The following ZNF638 variants were observed in gnomAD, a reference collection of about 807,000 sequenced individuals.
ZNF638 encodes the protein zinc finger protein 638, also known as CTCL tumor antigen se33-1.
In ZNF638, 46 loss-of-function variants were observed where a neutral mutation model predicts 195.6. The observed-to-expected ratio is 0.24, with a 90% CI of 0.19 to 0.30. The LOEUF (loss-of-function observed/expected upper bound fraction) is 0.30, where lower values mean the gene tolerates loss of function less well. ZNF638 is among the 10% of genes least tolerant of loss of function. The pLI is 1.00. For synonymous variants in ZNF638, 845 were observed against 772.0 expected, an observed-to-expected ratio of 1.09 and a Z score of -1.57; for missense variants, 2,440 against 2,325.3, an observed-to-expected ratio of 1.05 and a Z score of -1.01.
intron 3 of ZNF638, among the ~76,000 whole-genome samples, chr2:71,356,776 GTTTCAAAAAAAAAAAAAATTTTTT>G: frequency 6.7e-6 from 1 of 148,184 alleles, no homozygotes; most frequent in Non-Finnish European, 1.5e-5. Flanking sequence ...GCGACAGCCT[GTTTCAAAAAAAAAAAAAATTTTTT>G]TTTTTTAAGT....
At chr2:71,397,692 A>G (rs143750297) in intron 11 of ZNF638, among the ~76,000 whole-genome samples, 3 of 152,242 alleles carry the variant, frequency 2.0e-5, no homozygotes, top group African/African-American at 7.2e-5. Flanking sequence ...CATTCTCGCT[A>G]GTTGTTATGA....
At chr2:71,401,401 C>G (rs747765642) in intron 15 of ZNF638, among the ~76,000 whole-genome samples, 12 of 151,892 alleles carry the variant, frequency 7.9e-5, no homozygotes, top group Non-Finnish European at 1.6e-4. Context: ...TTCTCAGGAG[C>G]TTTTTTATTA....
intron 1 of ZNF638, among the ~76,000 whole-genome samples, chr2:71,334,765 A>G (rs2078634247): frequency 6.6e-6 from 1 of 151,954 alleles, no homozygotes; most frequent in Non-Finnish European, 1.5e-5. Flanking sequence ...TAAAAATAGA[A>G]AAAAAATTAG....
chr2:71,359,540 T>C (rs2079075823), intron 3 of ZNF638, among the ~76,000 whole-genome samples: 1 of 152,174 alleles, frequency 6.6e-6, no homozygotes, highest in South Asian at 2.1e-4. Flanking sequence ...CACAGACTAA[T>C]CTTCACTGGA....
chr2:71,382,627 T>TA (rs1432021041), intron 10 of ZNF638, among the ~76,000 whole-genome samples: 3 of 152,178 alleles, frequency 2.0e-5, no homozygotes, highest in African/African-American at 7.2e-5. Context: ...ATGCCCATGA[T>TA]AGGGGGCACT....
rs1245667209 is a variant in ZNF638 at position 71,349,263 on chromosome 2, G to T, written c.309G>T (p.Arg103=). 6.2e-7 allele frequency: 1 copy of T among 1,614,154 alleles called. No individual in the cohort carries two copies. The highest frequency in any genetic ancestry group is 2.2e-5 in the East Asian group (1 of 44,876). The part of the protein sequence containing the change: ...QQKKGKPHGS[R]WDDEPHISAS... ...AGAAGGGGAAGCCTCATGGTAGCCG[G>T]TGGGATGATGAGCCTCATATATCTG... The change falls in exon 2 of 28, where the codon CGG becomes CGT. Residue 103 remains arginine (R), a synonymous_variant. Transcript: ENST00000264447.
intron 3 of ZNF638, among the ~76,000 whole-genome samples, chr2:71,361,946 C>T (rs551308834): frequency 4.6e-5 from 7 of 152,298 alleles, no homozygotes; most frequent in African/African-American, 9.6e-5. Flanking sequence ...TTCGACCTAA[C>T]GTTATTTTCC....
intron 4 of ZNF638, among the ~76,000 whole-genome samples, chr2:71,363,601 T>C (rs1430740911): frequency 6.6e-6 from 1 of 152,204 alleles, no homozygotes; most frequent in African/African-American, 2.4e-5. Context: ...ATTGAAAACA[T>C]CTGTTTACGT....
intron 27 of ZNF638, 53 bp from the exon 28 acceptor site, chr2:71,434,689 C>T: frequency 2.7e-6 from 4 of 1,483,710 alleles, no homozygotes; most frequent in Non-Finnish European, 3.7e-6. Flanking sequence ...AGTTTGCACA[C>T]ATAGCAAAAT....
intron 22 of ZNF638, 75 bp downstream of exon 22, chr2:71,424,113 G>A: frequency 6.6e-7 from 1 of 1,515,902 alleles, no homozygotes; most frequent in Non-Finnish European, 8.8e-7. Flanking sequence ...TGTAGTAGGA[G>A]ATGTAATTTT....
At chr2:71,360,583 C>CT (rs1258827934) in intron 3 of ZNF638, among the ~76,000 whole-genome samples, 228 of 147,406 alleles carry the variant, frequency 1.5e-3, no homozygotes, top group African/African-American at 4.6e-3. Flanking sequence ...TTTTGTTTGT[C>CT]TTTTTTTTTT....
At chr2:71,424,311 C>G (rs1156689792) in intron 22 of ZNF638, among the ~76,000 whole-genome samples, 2 of 150,684 alleles carry the variant, frequency 1.3e-5, no homozygotes. Context: ...AAAAAAAAGT[C>G]TGCAGTGAAT....
chr2:71,380,379 T>C (rs2079514639), intron 9 of ZNF638, 99 bp downstream of exon 9: 1 of 1,117,118 alleles, frequency 9.0e-7, no homozygotes, highest in Non-Finnish European at 1.3e-6. Flanking sequence ...TTTATCACTA[T>C]AACTATAGTT....
chr2:71,382,085 T>G (rs1304306020), intron 10 of ZNF638, among the ~76,000 whole-genome samples: 3 of 152,092 alleles, frequency 2.0e-5, no homozygotes, highest in Non-Finnish European at 4.4e-5. Context: ...TTTAAAAAAT[T>G]TTTTAAATAA....
intron 8 of ZNF638, among the ~76,000 whole-genome samples, chr2:71,372,564 A>C (rs1048883639): frequency 6.6e-6 from 1 of 152,178 alleles, no homozygotes; most frequent in East Asian, 1.9e-4. Context: ...ACCCTCGTCA[A>C]TGCCTCTTTC....
chr2:71,341,793 A>G (rs2078766302), intron 1 of ZNF638: 1 of 152,142 alleles, frequency 6.6e-6, no homozygotes. Flanking sequence ...GTTAAAGGAG[A>G]AAGGTTTTAT....
intron 1 of ZNF638, among the ~76,000 whole-genome samples, chr2:71,340,802 A>C (rs1573016613): frequency 1.3e-5 from 2 of 152,190 alleles, no homozygotes; most frequent in African/African-American, 4.8e-5. Context: ...GAGATGTTGT[A>C]ATCTTGTTAC....
intron 21 of ZNF638, 113 bp from the exon 22 acceptor site, chr2:71,422,701 T>C (rs1189069480): frequency 2.7e-6 from 3 of 1,102,872 alleles, no homozygotes; most frequent in Non-Finnish European, 2.5e-6. Context: ...CATCAGGAAG[T>C]CTTAACAATT....
intron 25 of ZNF638, chr2:71,428,914 A>T: frequency 7.1e-6 from 2 of 283,416 alleles, no homozygotes; most frequent in South Asian, 1.8e-4. Context: ...GATAGAAATT[A>T]TTTATTAACT....
Sources: gnomAD v4.1 joint callset for allele counts (sites outside exome capture counted in the v4.1 genomes callset) on GRCh38, gnomAD v4.1.1 for gene constraint, MANE v1.5 for transcripts, NCBI Gene and HGNC (gene_info 2026-07-23, HGNC 2026-07-21) for gene names.